Variants in ZBBX observed in about 807,000 individuals in gnomAD.
The protein encoded by ZBBX is zinc finger B-box domain containing, also known as zinc finger B-box domain-containing protein 1.
In ZBBX, 101 loss-of-function variants were observed where a neutral mutation model predicts 108.5. The ratio of observed to expected loss-of-function variants is 0.93; its 90% CI spans 0.79 to 1.10. ZBBX has a LOEUF of 1.10. Ranked by LOEUF, ZBBX falls within the 50% of genes least tolerant of loss-of-function variation. The pLI is 0.00. For synonymous variants in ZBBX, 356 were observed against 323.4 expected, an observed-to-expected ratio of 1.10 and a Z score of -1.08; for missense variants, 1,009 against 941.4, an observed-to-expected ratio of 1.07 and a Z score of -0.94.
chr3:167,183,357 C>T, the ZBBX span, among the ~76,000 whole-genome samples: 3 of 152,228 alleles, frequency 2.0e-5, no homozygotes, highest in African/African-American at 4.8e-5. Flanking sequence ...CATAGTTCCA[C>T]GTTCTCCAAC....
rs114560274 is a variant in ZBBX at position 167,338,042 on chromosome 3, T to A, written c.529-4057A>T. On this transcript the variant is annotated intron_variant, in intron 9 of 21. Coordinates refer to ENST00000675490, the MANE Select transcript of ZBBX (RefSeq NM_001199201.2). The stretch of plus-strand genomic sequence containing the variant: ...CAACTGCTCTACATGCTAAAAATGT[T>A]TTAAAATCAAACCAAAACAGCCTTC... 5.3e-3 allele frequency among the ~76,000 whole-genome samples: 802 copies of A among 152,224 alleles called. 11 individuals carry two copies. Among genetic ancestry groups the A allele is most frequent in the African/African-American group, 0.019 (782 of 41,552 alleles).
chr3:167,257,617 T>C (rs1432377361), intron 20 of ZBBX, among the ~76,000 whole-genome samples: 2 of 152,076 alleles, frequency 1.3e-5, no homozygotes, highest in Non-Finnish European at 2.9e-5. Context: ...ATCAAATGGT[T>C]TTTCAGCATC....
In ZBBX at chr3:167,330,945, T is replaced by TTCTCTCTCTCTCTCTCCCTCTCTC. The variant is rs1553820807; in HGVS notation, c.688-2830_688-2829insGAGAGAGGGAGAGAGAGAGAGAGA. On this transcript the variant is annotated intron_variant, in intron 10 of 21. Coordinates refer to ENST00000675490, the MANE Select transcript of ZBBX (RefSeq NM_001199201.2). ...TATCTCTTCTCTCTCCTCTCTTTCT[T>TTCTCTCTCTCTCTCTCCCTCTCTC]TCTCTCTCTCTCTCTCTCTCCCCCA... is the stretch of plus-strand genomic sequence containing the variant. Among the ~76,000 whole-genome samples the TTCTCTCTCTCTCTCTCCCTCTCTC allele has an allele frequency of 4.6e-4, 40 of 87,168 alleles. 2 individuals carry two copies. The highest frequency in any genetic ancestry group is 1.7e-3 in the African/African-American group (39 of 22,970). 57.2% of individuals were successfully genotyped at this position (87,168 alleles called of 152,430 possible).
chr3:167,378,629 G>A (rs574750390), intron 2 of ZBBX, among the ~76,000 whole-genome samples: 22 of 152,294 alleles, frequency 1.4e-4, no homozygotes, highest in African/African-American at 3.1e-4. Context: ...GAGAGCTCAC[G>A]GTTCAGGGAA....
intron 1 of ZBBX, among the ~76,000 whole-genome samples, chr3:167,407,446 G>A (rs1041599157): frequency 1.3e-5 from 2 of 152,004 alleles, no homozygotes; most frequent in Non-Finnish European, 2.9e-5. Flanking sequence ...GTGGGGATTA[G>A]GGCTGCCAAT....
At chr3:167,385,405 G>A (rs976629923) in intron 1 of ZBBX, among the ~76,000 whole-genome samples, 8 of 152,030 alleles carry the variant, frequency 5.3e-5, no homozygotes, top group Admixed American at 2.0e-4. Flanking sequence ...AGAGTTGGCA[G>A]AACTGGAAGT....
chr3:167,272,795 A>C (rs1194768181), intron 20 of ZBBX, among the ~76,000 whole-genome samples: 2 of 152,196 alleles, frequency 1.3e-5, no homozygotes, highest in Non-Finnish European at 2.9e-5. Context: ...TCCTTAACAA[A>C]TGTAGGAAAA....
chr3:167,313,064 A>C (rs1734862225), intron 16 of ZBBX, among the ~76,000 whole-genome samples: 1 of 152,192 alleles, frequency 6.6e-6, no homozygotes, highest in African/African-American at 2.4e-5. Context: ...AAGTCTAAGC[A>C]AGTAAGTGAG....
intron 20 of ZBBX, among the ~76,000 whole-genome samples, chr3:167,242,877 C>T (rs1189908165): frequency 1.3e-5 from 2 of 151,820 alleles, no homozygotes; most frequent in Non-Finnish European, 2.9e-5. Context: ...ATATACATTA[C>T]ATTTATAACA....
the ZBBX span, among the ~76,000 whole-genome samples, chr3:167,191,895 T>TCATATATATATA: frequency 6.1e-5 from 1 of 16,520 alleles, no homozygotes; most frequent in Non-Finnish European, 1.1e-4. Flanking sequence ...CTTACAAAAA[T>TCATATATATATA]CATATATATA....
the ZBBX span, among the ~76,000 whole-genome samples, chr3:167,226,232 A>C: frequency 6.6e-6 from 1 of 151,814 alleles, no homozygotes; most frequent in Non-Finnish European, 1.5e-5. Flanking sequence ...TTTCTGCAAG[A>C]CCAGTATGAC....
At chr3:167,178,967 T>G in the ZBBX span, among the ~76,000 whole-genome samples, 3 of 151,998 alleles carry the variant, frequency 2.0e-5, no homozygotes, top group African/African-American at 7.3e-5. Context: ...ATATGGGATA[T>G]CAGTAATGTG....
At chr3:167,365,403 T>C (rs763866075) in intron 6 of ZBBX, among the ~76,000 whole-genome samples, 17 of 151,724 alleles carry the variant, frequency 1.1e-4, no homozygotes, top group South Asian at 2.1e-4. Flanking sequence ...AGCAATTCTA[T>C]AGCTGGGAAA....
At chr3:167,191,727 G>A in the ZBBX span, among the ~76,000 whole-genome samples, 1 of 151,692 alleles carries the variant, frequency 6.6e-6, no homozygotes, top group Non-Finnish European at 1.5e-5. Flanking sequence ...TATCAGCAGT[G>A]TGAAAACAGA....
chr3:167,233,591 A>G, the ZBBX span, among the ~76,000 whole-genome samples: 5 of 151,816 alleles, frequency 3.3e-5, no homozygotes, highest in African/African-American at 4.8e-5. Flanking sequence ...CAGCTCTTCC[A>G]TGGTTCCTCT....
At chr3:167,302,890 T>G (rs1275359935) in intron 17 of ZBBX, among the ~76,000 whole-genome samples, 1 of 152,242 alleles carries the variant, frequency 6.6e-6, no homozygotes, top group Non-Finnish European at 1.5e-5. Context: ...TATTTTATAC[T>G]GGGCAGTAAG....
chr3:167,307,823 T>C (rs538390283), intron 16 of ZBBX, among the ~76,000 whole-genome samples: 12 of 152,202 alleles, frequency 7.9e-5, no homozygotes, highest in African/African-American at 2.9e-4. Context: ...TCAAGATAGA[T>C]TAAATACTTA....
chr3:167,332,330 G>C (rs144310697), intron 10 of ZBBX, among the ~76,000 whole-genome samples: 232 of 151,736 alleles, frequency 1.5e-3, no homozygotes, highest in African/African-American at 5.5e-3. Context: ...CCACGGAGAT[G>C]CTGAACTCAA....
At chr3:167,381,443 A>G (rs1181571374), upstream of ZBBX, 2 of 152,220 alleles carry the variant, frequency 1.3e-5, no homozygotes, top group Non-Finnish European at 2.9e-5. Flanking sequence ...AATATTAAGT[A>G]TTTAGCTCTA....
Sources: gnomAD v4.1 joint callset for allele counts (sites outside exome capture counted in the v4.1 genomes callset) on GRCh38, gnomAD v4.1.1 for gene constraint, MANE v1.5 for transcripts, NCBI Gene and HGNC (gene_info 2026-07-23, HGNC 2026-07-21) for gene names.